The following GRID2 variants were observed in gnomAD, a reference collection of about 807,000 sequenced individuals.
The protein encoded by GRID2 is glutamate ionotropic receptor delta type subunit 2.
GRID2 carries 33 observed loss-of-function variants against 114.8 expected under a neutral mutation model. The ratio of observed to expected loss-of-function variants is 0.29; its 90% CI spans 0.22 to 0.38. The LOEUF (loss-of-function observed/expected upper bound fraction) is 0.38, where lower values mean the gene tolerates loss of function less well. GRID2 is among the 10% of genes least tolerant of loss of function. The pLI is 1.00. For missense variants in GRID2, 1,184 were observed against 1,257.7 expected (o/e 0.94, Z 0.89); for synonymous variants, 505 against 449.9 (o/e 1.12, Z -1.55).
intron 11 of GRID2, among the ~76,000 whole-genome samples, chr4:93,476,022 G>C (rs1259118086): frequency 1.3e-5 from 2 of 152,020 alleles, no homozygotes; most frequent in African/African-American, 2.4e-5. Flanking sequence ...TGCCAGGTCT[G>C]TGGTAAAATC....
chr4:93,746,581 G>T (rs1322284297), intron 14 of GRID2, among the ~76,000 whole-genome samples: 2 of 151,964 alleles, frequency 1.3e-5, no homozygotes, highest in Admixed American at 1.3e-4. Context: ...TTCATTCCTG[G>T]ATTTGATCTT....
In GRID2 at chr4:93,216,893, A is replaced by G. The variant is rs1744286742; in HGVS notation, c.945A>G (p.Pro315=). Residue 315 remains proline, a synonymous_variant, in exon 6 of 16, where the codon CCA becomes CCG. Transcript: ENST00000282020. ...CAACATTGTGTGATCCAAAGGATCC[A>G]TTTGCTCAGAATATGGAGGTATATT... ...ISSTLCDPKD[P]FAQNMEISNL... is the part of the protein sequence containing the mutation. 1.9e-6 allele frequency: 3 copies of G among 1,611,932 alleles called. No individual in the cohort carries two copies. Among genetic ancestry groups the G allele is most frequent in the Non-Finnish European group, 2.5e-6 (3 of 1,178,162 alleles).
At chr4:92,969,386 T>C (rs1753356499) in intron 2 of GRID2, among the ~76,000 whole-genome samples, 2 of 151,688 alleles carry the variant, frequency 1.3e-5, no homozygotes, top group African/African-American at 4.8e-5. Context: ...TGGATGGAAA[T>C]TGTTATCATG....
chr4:93,036,701 C>A (rs1394209073), intron 2 of GRID2, among the ~76,000 whole-genome samples: 5 of 152,072 alleles, frequency 3.3e-5, no homozygotes, highest in Non-Finnish European at 7.4e-5. Flanking sequence ...GTATTACTAG[C>A]AATACTTATG....
Position 92,637,442 on chromosome 4 carries a change from T to A in GRID2, c.244+47156T>A, listed in dbSNP as rs554232254. ...CACAATGCTTGGTCTTCTTCTAAGT[T>A]AACTTTTTAAATTAAATACTTGGAG... is the stretch of plus-strand genomic sequence containing the variant. On this transcript the variant is annotated intron_variant, in intron 2 of 15. Transcript: ENST00000282020. Among the ~76,000 whole-genome samples, 14 of 152,190 alleles carry A rather than the reference T, an allele frequency of 9.2e-5. 1 individual carries two copies. The South Asian group carries it at 2.9e-3, about 32-fold the overall frequency.
In GRID2 at chr4:92,632,205, T is replaced by C. The variant is rs570125613; in HGVS notation, c.244+41919T>C. ...CTTGCTAAGTACAATTAGCTGTTTTTTGGAATTAGACTATTATCACTTTTA... is the reference window on the plus strand; with the variant it reads ...CTTGCTAAGTACAATTAGCTGTTTTCTGGAATTAGACTATTATCACTTTTA... On this transcript the variant is annotated intron_variant, in intron 2 of 15. Coordinates refer to ENST00000282020, the MANE Select transcript of GRID2 (RefSeq NM_001510.4). 8.5e-4 allele frequency among the ~76,000 whole-genome samples: 130 copies of C among 152,196 alleles called. 1 individual carries two copies. The highest frequency in any genetic ancestry group is 1.5e-3 in the Non-Finnish European group (99 of 68,034).
intron 1 of GRID2, among the ~76,000 whole-genome samples, chr4:92,317,325 T>C (rs1726044254): frequency 6.6e-6 from 1 of 152,222 alleles, no homozygotes; most frequent in Non-Finnish European, 1.5e-5. Flanking sequence ...AAATAAAGTT[T>C]CTTTACAAGT....
At chr4:93,070,275 A>C (rs1728697046) in intron 2 of GRID2, among the ~76,000 whole-genome samples, 1 of 152,124 alleles carries the variant, frequency 6.6e-6, no homozygotes. Context: ...CAAGCTAACC[A>C]TTAAATAGTG....
intron 1 of GRID2, among the ~76,000 whole-genome samples, chr4:92,509,988 C>T (rs928632547): frequency 6.6e-6 from 1 of 151,828 alleles, no homozygotes; most frequent in Non-Finnish European, 1.5e-5. Context: ...TTTCAGCAGG[C>T]TAATGTCATA....
At chr4:93,338,458 CA>C (rs1264652116) in intron 8 of GRID2, among the ~76,000 whole-genome samples, 1 of 151,842 alleles carries the variant, frequency 6.6e-6, no homozygotes, top group African/African-American at 2.4e-5. Context: ...CATATGGATG[CA>C]ATAGGTGTGA....
chr4:92,568,425 A>G (rs1451655578), intron 1 of GRID2, among the ~76,000 whole-genome samples: 1 of 151,842 alleles, frequency 6.6e-6, no homozygotes. Flanking sequence ...GGTTTCTCTC[A>G]AGTTTTTTGT....
At chr4:92,953,648 C>T (rs1752183103) in intron 2 of GRID2, among the ~76,000 whole-genome samples, 1 of 151,996 alleles carries the variant, frequency 6.6e-6, no homozygotes, top group South Asian at 2.1e-4. Context: ...CGACAGGGAA[C>T]AAATCACAGC....
At position 93,676,859 on chromosome 4, in the gene GRID2, C is replaced by T. The variant is rs552492915; in HGVS notation, c.2360+50424C>T. The stretch of plus-strand genomic sequence containing the variant: ...CTCCTAGTGTGAGCGATGCAGAAGA[C>T]GGGTGATTTCTGCATTTCCATCTGA... On this transcript the variant is annotated intron_variant, in intron 14 of 15. Coordinates refer to ENST00000282020, the MANE Select transcript of GRID2 (RefSeq NM_001510.4). Among the ~76,000 whole-genome samples, 12 of 151,770 alleles carry T rather than the reference C, an allele frequency of 7.9e-5. 1 individual carries two copies. The highest frequency in any genetic ancestry group is 2.2e-4 in the African/African-American group (9 of 41,360).
chr4:92,414,658 C>A (rs1218514029), intron 1 of GRID2, among the ~76,000 whole-genome samples: 2 of 152,108 alleles, frequency 1.3e-5, no homozygotes, highest in Non-Finnish European at 2.9e-5. Flanking sequence ...TAGAAAGTAA[C>A]ACCTCCTTTT....
chr4:92,850,275 AT>A (rs1386687176), intron 2 of GRID2, among the ~76,000 whole-genome samples: 9 of 151,682 alleles, frequency 5.9e-5, no homozygotes, highest in Non-Finnish European at 1.3e-4. Flanking sequence ...TATTTTCATA[AT>A]TCATATTGTA....
chr4:92,682,826 T>G (rs184264464), intron 2 of GRID2, among the ~76,000 whole-genome samples: 2 of 152,204 alleles, frequency 1.3e-5, no homozygotes, highest in East Asian at 3.9e-4. Context: ...TCACTAAAAT[T>G]TAGTAAACTT....
chr4:92,959,317 A>G (rs1028196561), intron 2 of GRID2, among the ~76,000 whole-genome samples: 1 of 151,890 alleles, frequency 6.6e-6, no homozygotes, highest in Non-Finnish European at 1.5e-5. Flanking sequence ...TCGTCTCTAT[A>G]CAATCAATGT....
intron 1 of GRID2, among the ~76,000 whole-genome samples, chr4:92,582,024 T>A (rs924872088): frequency 6.6e-6 from 1 of 151,894 alleles, no homozygotes; most frequent in Non-Finnish European, 1.5e-5. Context: ...GTGGGTGGAA[T>A]GGAAGTTAAT....
chr4:93,450,107 A>G (rs1722536174), intron 10 of GRID2, among the ~76,000 whole-genome samples: 1 of 151,952 alleles, frequency 6.6e-6, no homozygotes, highest in Admixed American at 6.6e-5. Context: ...TAAAAAGTGT[A>G]TAATTTATAT....
Sources: allele counts gnomAD v4.1 joint callset (sites outside exome capture counted in the v4.1 genomes callset), GRCh38; gene constraint gnomAD v4.1.1; transcripts MANE v1.5; gene names NCBI Gene and HGNC (gene_info 2026-07-23, HGNC 2026-07-21).